Variants in DIAPH3 observed in about 807,000 individuals in gnomAD.
DIAPH3 encodes the protein protein diaphanous homolog 3.
DIAPH3 carries 117 observed loss-of-function variants against 144.3 expected under a neutral mutation model. That is an observed-to-expected ratio of 0.81 (90% CI 0.70 to 0.95). DIAPH3 has a LOEUF of 0.95. DIAPH3 is among the 40% of genes least tolerant of loss of function. The pLI is 0.00. For synonymous variants in DIAPH3, 519 were observed against 488.9 expected (o/e 1.06, Z -0.81); for missense variants, 1,421 against 1,412.7 (o/e 1.01, Z -0.09).
At chr13:59,851,090 C>T (rs1386268642) in intron 22 of DIAPH3, among the ~76,000 whole-genome samples, 1 of 151,618 alleles carries the variant, frequency 6.6e-6, no homozygotes, top group Non-Finnish European at 1.5e-5. Flanking sequence ...GAATTTTAGA[C>T]CAATATCCTT....
In DIAPH3 at chr13:59,980,849, T is replaced by C. The variant is rs2050960142; in HGVS notation, c.1491A>G (p.Ile497Met). ...LDLTQFVDIC[I>M]DQAKLEEFEE... Reference sequence around the variant, plus strand: ...CAAACTCTTCTAGTTTTGCTTGATCTATGCAAATGTCTAAAATTGCAATGA... The same window carrying C: ...CAAACTCTTCTAGTTTTGCTTGATCCATGCAAATGTCTAAAATTGCAATGA... The change falls in exon 14 of 28, where the codon ATA (isoleucine) becomes ATG (methionine). Residue 497 changes from isoleucine (I) to methionine (M), a missense_variant. Ile to Met is a conservative substitution (Grantham distance 10, BLOSUM62 1). Transcript: ENST00000400324. 2 of 1,608,926 alleles carry C rather than the reference T, an allele frequency of 1.2e-6. No homozygotes were observed. Among genetic ancestry groups the C allele is most frequent in the South Asian group, 2.2e-5 (2 of 90,936 alleles).
At chr13:59,936,549 C>A (rs1374838307) in intron 17 of DIAPH3, among the ~76,000 whole-genome samples, 1 of 152,100 alleles carries the variant, frequency 6.6e-6, no homozygotes, top group Non-Finnish European at 1.5e-5. Context: ...AAAAGTTAAG[C>A]CTATCTATCA....
In DIAPH3 at chr13:59,970,036, T is replaced by G. The variant is rs768488853; in HGVS notation, c.1982A>C (p.Glu661Ala). 6.2e-7 allele frequency: 1 copy of G among 1,602,494 alleles called. No homozygotes were observed. Among genetic ancestry groups the G allele is most frequent in the South Asian group, 1.1e-5 (1 of 89,766 alleles). Residue 661 changes from glutamate to alanine, a missense_variant, in exon 17 of 28, where the codon GAA (glutamate) becomes GCA (alanine). Coordinates refer to ENST00000400324, the MANE Select transcript of DIAPH3 (RefSeq NM_001042517.2). Reference protein sequence around the residue: ...WLKIRPHEMTENCFWIKVNEN... With the variant: ...WLKIRPHEMTANCFWIKVNEN... ...ATTTACTTTTATCCAGAAACAGTTT[T>G]CAGTCATTTCATGAGGTCTGATCTA...
intron 23 of DIAPH3, among the ~76,000 whole-genome samples, chr13:59,834,934 T>C (rs925381950): frequency 6.6e-6 from 1 of 151,736 alleles, no homozygotes; most frequent in Non-Finnish European, 1.5e-5. Context: ...CAACCAGATC[T>C]GTGTTTACAT....
chr13:59,705,662 T>G (rs78600375), intron 27 of DIAPH3, among the ~76,000 whole-genome samples: 1 of 152,226 alleles, frequency 6.6e-6, no homozygotes, highest in Admixed American at 6.5e-5. Context: ...TAGTGTTTTC[T>G]TTCATTATTT....
intron 20 of DIAPH3, among the ~76,000 whole-genome samples, chr13:59,888,694 G>A (rs1205543798): frequency 6.6e-6 from 1 of 151,924 alleles, no homozygotes; most frequent in Non-Finnish European, 1.5e-5. Context: ...ATTACTTTTT[G>A]TAGATCTGAG....
Position 60,093,967 on chromosome 13 carries a change from T to A in DIAPH3, c.391-235A>T, listed in dbSNP as rs2058032682. On this transcript the variant is annotated intron_variant, in intron 3 of 27. Transcript: ENST00000400324. ...CACTTACTAAAAGAACTTTTAAAATTCACAGCAGGCAAATAAAATTATATT... is the reference window on the plus strand; with the variant it reads ...CACTTACTAAAAGAACTTTTAAAATACACAGCAGGCAAATAAAATTATATT... Among the ~76,000 whole-genome samples the A allele has an allele frequency of 2.0e-5, 3 of 152,320 alleles. No individual in the cohort carries two copies. The South Asian group carries it at 6.2e-4, about 32-fold the overall frequency.
In DIAPH3 at chr13:59,916,267, A is replaced by G. The variant is rs776216891; in HGVS notation, c.2171-18T>C. The G allele has an allele frequency of 1.3e-6, 2 of 1,590,424 alleles. No homozygotes were observed. The highest frequency in any genetic ancestry group is 1.1e-5 in the South Asian group (1 of 90,578). Reference sequence around the variant, plus strand: ...GAAGATTGCTAAGAAGGAGAAAGAGAGAAAGGTTTATAATGAATAAGGTTT... The same window carrying G: ...GAAGATTGCTAAGAAGGAGAAAGAGGGAAAGGTTTATAATGAATAAGGTTT... On this transcript the variant is annotated intron_variant, in intron 18 of 27. Coordinates refer to ENST00000400324, the MANE Select transcript of DIAPH3 (RefSeq NM_001042517.2).
At chr13:59,884,310 T>C (rs946608518) in intron 20 of DIAPH3, among the ~76,000 whole-genome samples, 1 of 152,176 alleles carries the variant, frequency 6.6e-6, no homozygotes, top group Admixed American at 6.6e-5. Context: ...TTCTACATTA[T>C]GGTGAGTTGT....
chr13:60,024,280 T>C (rs2054233798), intron 5 of DIAPH3, among the ~76,000 whole-genome samples: 1 of 152,202 alleles, frequency 6.6e-6, no homozygotes, highest in Non-Finnish European at 1.5e-5. Context: ...GTATGTATTT[T>C]TTCCCAATCT....
At chr13:59,829,283 G>A (rs890624613) in intron 24 of DIAPH3, among the ~76,000 whole-genome samples, 1 of 151,788 alleles carries the variant, frequency 6.6e-6, no homozygotes, top group Non-Finnish European at 1.5e-5. Flanking sequence ...CAAAAAAATG[G>A]CCACTTTTTC....
intron 27 of DIAPH3, among the ~76,000 whole-genome samples, chr13:59,681,603 G>GTT (rs34362880): frequency 4.7e-5 from 7 of 148,524 alleles, no homozygotes; most frequent in South Asian, 2.1e-4. Flanking sequence ...TGTTTTAAGT[G>GTT]TTTTTTTTTT....
chr13:60,130,185 C>A (rs986856706), intron 2 of DIAPH3, among the ~76,000 whole-genome samples: 2 of 152,166 alleles, frequency 1.3e-5, no homozygotes, highest in African/African-American at 4.8e-5. Context: ...TACACTGTAT[C>A]AGTCAACAAT....
At chr13:60,145,144 T>C (rs1951445112) in intron 1 of DIAPH3, among the ~76,000 whole-genome samples, 1 of 152,164 alleles carries the variant, frequency 6.6e-6, no homozygotes, top group South Asian at 2.1e-4. Flanking sequence ...CTTATAAGGG[T>C]TGGTGAGTAC....
chr13:59,887,394 G>T (rs1312961927), intron 20 of DIAPH3, among the ~76,000 whole-genome samples: 15 of 151,978 alleles, frequency 9.9e-5, no homozygotes, highest in Admixed American at 9.8e-4. Context: ...TTTGATTCCT[G>T]ATACCAGTAG....
At chr13:59,691,342 C>T (rs1165230607) in intron 27 of DIAPH3, among the ~76,000 whole-genome samples, 2 of 152,106 alleles carry the variant, frequency 1.3e-5, no homozygotes, top group African/African-American at 4.8e-5. Flanking sequence ...CCCCATGGGT[C>T]ATACTGTCAA....
intron 4 of DIAPH3, among the ~76,000 whole-genome samples, chr13:60,056,946 T>C (rs1258444745): frequency 1.3e-5 from 2 of 152,000 alleles, no homozygotes; most frequent in East Asian, 1.9e-4. Flanking sequence ...TTTTATATTA[T>C]ATAAATTTTG....
chr13:59,881,489 T>C lies in DIAPH3; in HGVS notation c.2368-2021A>G, dbSNP rs186781359. Among the ~76,000 whole-genome samples the C allele has an allele frequency of 2.5e-3, 381 of 152,256 alleles. 3 individuals are homozygous for C. The highest frequency in any genetic ancestry group is 0.022 in the Admixed American group (341 of 15,286). ...ATTACGAAATATATTAATTCTAACA[T>C]ATATTAATGTACTACTACATTCATG... is the stretch of plus-strand genomic sequence containing the variant. On this transcript the variant is annotated intron_variant, in intron 20 of 27. Coordinates refer to ENST00000400324, the MANE Select transcript of DIAPH3 (RefSeq NM_001042517.2).
intron 27 of DIAPH3, among the ~76,000 whole-genome samples, chr13:59,710,530 T>C (rs2034679621): frequency 6.6e-6 from 1 of 152,178 alleles, no homozygotes; most frequent in South Asian, 2.1e-4. Context: ...GGAGAAGGAA[T>C]AATAAAGAAC....
Sources: allele counts gnomAD v4.1 joint callset (sites outside exome capture counted in the v4.1 genomes callset), GRCh38; gene constraint gnomAD v4.1.1; transcripts MANE v1.5; gene names NCBI Gene and HGNC (gene_info 2026-07-23, HGNC 2026-07-21).